ANKUB1: variants seen among roughly 807,000 people sequenced by gnomAD.
ANKUB1 encodes the protein protein ANKUB1.
Under a neutral mutation model 49.3 loss-of-function variants are expected in ANKUB1, and 42 were observed. The observed-to-expected ratio is 0.85, with a 90% CI of 0.67 to 1.10. The LOEUF is 1.10. Among genes scored for constraint, ANKUB1 ranks in the 50% least tolerant of loss-of-function variants. ANKUB1 has a pLI of 0.00. For synonymous variants in ANKUB1, 222 were observed against 231.0 expected (o/e 0.96, Z 0.35); for missense variants, 613 against 642.0 (o/e 0.95, Z 0.49).
chr3:149,780,097 G>C, intron 3 of ANKUB1, 142 bp downstream of exon 3: 2 of 715,488 alleles, frequency 2.8e-6, no homozygotes, highest in Non-Finnish European at 4.6e-6. Flanking sequence ...TGTGTTAACT[G>C]TTTTAAAGTG....
intron 3 of ANKUB1, among the ~76,000 whole-genome samples, chr3:149,777,941 A>T (rs1268146147): frequency 6.6e-6 from 1 of 152,316 alleles, no homozygotes; most frequent in East Asian, 1.9e-4. Flanking sequence ...TTCAACCTGG[A>T]CATGACTGCT....
rs561838791 is a variant in ANKUB1, at chr3:149,790,818, C to G, written c.197G>C (p.Gly66Ala). 4 of 1,551,742 alleles carry G rather than the reference C, an allele frequency of 2.6e-6. No individual in the cohort carries two copies. In the African/African-American group the frequency reaches 5.5e-5, roughly 21 times the overall value. ...TTTGAGAGTTGAACAGAAAGATATTCCAACATCAGCAAGACTCCAACTGTC... is the reference window on the plus strand; with the variant it reads ...TTTGAGAGTTGAACAGAAAGATATTGCAACATCAGCAAGACTCCAACTGTC... ...LKDSWSLADVGISFCSTLKCF... is the reference protein window; with the variant it reads ...LKDSWSLADVAISFCSTLKCF... The change falls in exon 2 of 6, where the codon GGA becomes GCA. Residue 66 changes from glycine to alanine, a missense_variant. Gly to Ala is a moderately conservative substitution (Grantham distance 60). Coordinates refer to ENST00000446160, the MANE Select transcript of ANKUB1 (RefSeq NM_001144960.3).
chr3:149,773,020 C>T (rs1270629140), intron 3 of ANKUB1, among the ~76,000 whole-genome samples: 1 of 152,198 alleles, frequency 6.6e-6, no homozygotes. Flanking sequence ...AGCTGAGGTT[C>T]AGAGACACAT....
intron 2 of ANKUB1, among the ~76,000 whole-genome samples, chr3:149,782,901 T>C (rs1391964433): frequency 6.6e-6 from 1 of 152,178 alleles, no homozygotes; most frequent in African/African-American, 2.4e-5. Flanking sequence ...TAATTATTAA[T>C]GAAGCCAGGT....
rs1717802656 is a variant in ANKUB1 at position 149,780,332 on chromosome 3, A to T, written c.358T>A (p.Cys120Ser). Residue 120 changes from cysteine to serine, a missense_variant, in exon 3 of 6, where the codon TGT becomes AGT. By Grantham distance (112) the Cys-to-Ser change is moderately radical. Transcript: ENST00000446160. ...CAGTAGACACTCACGGGGAGGCCAC[A>T]TCTCAGAGTTACCAGTGTTCTCAGA... ...SDLRTLVTLRCGLPVSVYCLR... is the reference protein window; with the variant it reads ...SDLRTLVTLRSGLPVSVYCLR... The T allele has an allele frequency of 6.4e-7, 1 of 1,551,916 alleles. No individual in the cohort carries two copies. The highest frequency in any genetic ancestry group is 8.7e-7 in the Non-Finnish European group (1 of 1,147,034).
intron 2 of ANKUB1, among the ~76,000 whole-genome samples, chr3:149,781,718 A>T (rs899879184): frequency 1.3e-5 from 2 of 152,180 alleles, no homozygotes; most frequent in Non-Finnish European, 2.9e-5. Context: ...TATGGTCAAC[A>T]TGCAGACCTT....
At chr3:149,778,505 C>A (rs889380669) in intron 3 of ANKUB1, 19 of 152,142 alleles carry the variant, frequency 1.2e-4, no homozygotes, top group African/African-American at 4.3e-4. Context: ...AATAGTCAAC[C>A]AGAGTTTTTC....
intron 3 of ANKUB1, among the ~76,000 whole-genome samples, chr3:149,776,315 C>T (rs1439118409): frequency 6.6e-6 from 1 of 152,116 alleles, no homozygotes; most frequent in Admixed American, 6.5e-5. Context: ...TTGCCTTGAC[C>T]TCAGCATGTC....
intron 2 of ANKUB1, among the ~76,000 whole-genome samples, chr3:149,784,146 C>G (rs1223932164): frequency 1.3e-5 from 2 of 152,176 alleles, no homozygotes; most frequent in Non-Finnish European, 2.9e-5. Flanking sequence ...CTACAGTTAA[C>G]TCAATCTCTC....
chr3:149,771,311 A>G (rs542186281), intron 3 of ANKUB1, among the ~76,000 whole-genome samples: 1 of 152,142 alleles, frequency 6.6e-6, no homozygotes, highest in South Asian at 2.1e-4. Flanking sequence ...TTCCCTGGGG[A>G]TTAAACCCAG....
At chr3:149,778,672 A>G (rs1717715824) in intron 3 of ANKUB1, 1 of 152,196 alleles carries the variant, frequency 6.6e-6, no homozygotes, top group Admixed American at 6.5e-5. Context: ...TGTGCACTAT[A>G]GCAAAGTACT....
In ANKUB1 at chr3:149,780,500, A is replaced by G. The variant is rs1266088687; in HGVS notation, c.235-45T>C. The G allele has an allele frequency of 2.1e-6, 3 of 1,445,704 alleles. No homozygotes were observed. In the Admixed American group the frequency reaches 5.9e-5, roughly 29 times the overall value. 89.6% of individuals were successfully genotyped at this position (1,445,704 alleles called of 1,614,324 possible). ...GGGAACTTATTGTCTGGAGGTTCAG[A>G]TGAGGGCCAAGCATTTCAGAGGGTA... On this transcript the variant is annotated intron_variant, in intron 2 of 5. Coordinates refer to ENST00000446160, the MANE Select transcript of ANKUB1 (RefSeq NM_001144960.3).
At chr3:149,785,606 C>T (rs1718062540) in intron 2 of ANKUB1, among the ~76,000 whole-genome samples, 1 of 152,140 alleles carries the variant, frequency 6.6e-6, no homozygotes, top group African/African-American at 2.4e-5. Context: ...TTTTTTATGG[C>T]AGCATAGTAT....
In ANKUB1 at chr3:149,767,549, T is replaced by C; in HGVS notation, c.1113A>G (p.Gln371=). 1.3e-6 allele frequency: 2 copies of C among 1,551,680 alleles called. No individual in the cohort carries two copies. Among genetic ancestry groups the C allele is most frequent in the Non-Finnish European group, 1.7e-6 (2 of 1,146,992 alleles). The change falls in exon 5 of 6, where the codon CAA becomes CAG. Residue 371 remains glutamine (Q), a synonymous_variant. Coordinates refer to ENST00000446160, the MANE Select transcript of ANKUB1 (RefSeq NM_001144960.3). The part of the protein sequence containing the change: ...SWHKAGNSDS[Q]SIVLKLPSLS... ...GAGATGGTAGCTTGAGCACGATGCT[T>C]TGTGAGTCGCTGTTCCCAGCCTTAT...
intron 3 of ANKUB1, among the ~76,000 whole-genome samples, chr3:149,773,856 C>T (rs192776425): frequency 3.9e-5 from 6 of 152,206 alleles, no homozygotes; most frequent in Admixed American, 1.3e-4. Context: ...CCTTAATTCC[C>T]GTAGGAGGGA....
intron 2 of ANKUB1, among the ~76,000 whole-genome samples, chr3:149,788,895 C>T (rs1182342925): frequency 6.6e-6 from 1 of 151,968 alleles, no homozygotes; most frequent in East Asian, 1.9e-4. Flanking sequence ...TTTTCCTCAG[C>T]CTCCTGAGTA....
intron 3 of ANKUB1, chr3:149,778,347 A>T (rs977580024): frequency 1.3e-5 from 2 of 152,168 alleles, no homozygotes; most frequent in Non-Finnish European, 2.9e-5. Flanking sequence ...AGGAGTAGGT[A>T]TGTTGTCCTT....
rs73870416 is a variant in ANKUB1 at position 149,790,757 on chromosome 3, C to T, written c.234+24G>A. 1.8e-4 allele frequency: 268 copies of T among 1,530,320 alleles called. 1 individual carries two copies. The African/African-American group carries it at 2.9e-3, about 17-fold the overall frequency. 94.8% of individuals were successfully genotyped at this position (1,530,320 alleles called of 1,614,324 possible). On this transcript the variant is annotated intron_variant, in intron 2 of 5. Coordinates refer to ENST00000446160, the MANE Select transcript of ANKUB1 (RefSeq NM_001144960.3). ...TTCAAAATGAGATAGATATCTTAGA[C>T]GAATATTATCCTGACCATCATACCT...
At chr3:149,772,996 T>TTA (rs1236957425) in intron 3 of ANKUB1, among the ~76,000 whole-genome samples, 1 of 152,138 alleles carries the variant, frequency 6.6e-6, no homozygotes, top group Non-Finnish European at 1.5e-5. Context: ...GCAGCCCCCT[T>TTA]TTATAGACTA....
Sources: gnomAD v4.1 joint callset for allele counts (sites outside exome capture counted in the v4.1 genomes callset) on GRCh38, gnomAD v4.1.1 for gene constraint, MANE v1.5 for transcripts, NCBI Gene and HGNC (gene_info 2026-07-23, HGNC 2026-07-21) for gene names.